Variants in FRMD3 observed in about 807,000 individuals in gnomAD.
FRMD3 encodes FERM domain containing 3, also known as FERM domain-containing protein 3.
In FRMD3, 33 loss-of-function variants were observed where a neutral mutation model predicts 70.2. That is an observed-to-expected ratio of 0.47 (90% CI 0.36 to 0.63). The LOEUF (loss-of-function observed/expected upper bound fraction) is 0.63. FRMD3 is among the 20% of genes least tolerant of loss of function. The pLI is 0.00. For synonymous variants in FRMD3, 279 were observed against 255.9 expected (o/e 1.09, Z -0.86); for missense variants, 632 against 711.4 (o/e 0.89, Z 1.27).
At chr9:83,430,819 A>G (rs1826953737) in intron 1 of FRMD3, among the ~76,000 whole-genome samples, 1 of 152,252 alleles carries the variant, frequency 6.6e-6, no homozygotes. Flanking sequence ...CTGGCTCAGC[A>G]TGGCATCACC....
At chr9:83,266,654 C>A (rs374123081) in intron 13 of FRMD3, among the ~76,000 whole-genome samples, 69 of 152,214 alleles carry the variant, frequency 4.5e-4, no homozygotes, top group Admixed American at 3.8e-3. Flanking sequence ...GGAGGGGGAG[C>A]GTGTTGTGAT....
At chr9:83,502,781 A>G (rs1829099667) in intron 1 of FRMD3, among the ~76,000 whole-genome samples, 1 of 152,176 alleles carries the variant, frequency 6.6e-6, no homozygotes, top group Non-Finnish European at 1.5e-5. Flanking sequence ...ATGATCATAT[A>G]TTGATATAAA....
chr9:83,505,033 C>G (rs1319730302), intron 1 of FRMD3, among the ~76,000 whole-genome samples: 1 of 152,040 alleles, frequency 6.6e-6, no homozygotes, highest in Non-Finnish European at 1.5e-5. Flanking sequence ...TTGATTCATT[C>G]TTATGGCAAA....
intron 1 of FRMD3, among the ~76,000 whole-genome samples, chr9:83,416,366 A>G (rs2131348545): frequency 6.6e-6 from 1 of 152,342 alleles, no homozygotes; most frequent in Non-Finnish European, 1.5e-5. Context: ...GCTTCCTATT[A>G]CAAACCTCTC....
intron 1 of FRMD3, among the ~76,000 whole-genome samples, chr9:83,470,415 A>C (rs967181331): frequency 6.6e-6 from 1 of 152,238 alleles, no homozygotes; most frequent in African/African-American, 2.4e-5. Flanking sequence ...CAGTTACCTC[A>C]GATCTCTCTC....
At chr9:83,410,180 T>C (rs898492443) in intron 1 of FRMD3, among the ~76,000 whole-genome samples, 4 of 152,238 alleles carry the variant, frequency 2.6e-5, no homozygotes, top group Non-Finnish European at 5.9e-5. Flanking sequence ...ACATTTATTT[T>C]AGATTCTGGG....
At chr9:83,434,787 C>T (rs1827083664) in intron 1 of FRMD3, among the ~76,000 whole-genome samples, 1 of 146,058 alleles carries the variant, frequency 6.8e-6, no homozygotes, top group African/African-American at 2.5e-5. Flanking sequence ...AAGATGCCAA[C>T]ATCTGAATCT....
chr9:83,385,120 C>T (rs559668117), intron 2 of FRMD3, among the ~76,000 whole-genome samples: 2 of 152,080 alleles, frequency 1.3e-5, no homozygotes, highest in South Asian at 4.2e-4. Context: ...TATTTCAAAA[C>T]TTCATCTTTC....
intron 4 of FRMD3, among the ~76,000 whole-genome samples, chr9:83,347,449 T>C (rs1221240699): frequency 2.0e-5 from 3 of 152,208 alleles, no homozygotes; most frequent in African/African-American, 4.8e-5. Flanking sequence ...GATTGGAAGA[T>C]GCTACTTCTA....
rs570640384 is a variant in FRMD3, at chr9:83,290,670, G to A, written c.1128C>T (p.Asn376=). Residue 376 remains asparagine (N), a synonymous_variant, in exon 13 of 14, where the codon AAC becomes AAT. Coordinates refer to ENST00000304195, the MANE Select transcript of FRMD3 (RefSeq NM_174938.6). ...SHSLNKQLII[N]MEPLQPLLPS... is the part of the protein sequence containing the mutation. ...GAAGCAGGGGCTGCAGGGGTTCCAT[G>A]TTAATGATGAGCTGTTTGTTCAAGG... 4.0e-5 allele frequency: 64 copies of A among 1,614,002 alleles called. No homozygotes were observed. The South Asian group carries it at 4.8e-4, about 12-fold the overall frequency.
At chr9:83,317,429 G>T (rs1018063396) in intron 6 of FRMD3, among the ~76,000 whole-genome samples, 1 of 152,060 alleles carries the variant, frequency 6.6e-6, no homozygotes, top group African/African-American at 2.4e-5. Flanking sequence ...TTTGCTCGGG[G>T]TGATCCTCCC....
chr9:83,392,296 A>G (rs551074009), intron 1 of FRMD3, among the ~76,000 whole-genome samples: 29 of 152,106 alleles, frequency 1.9e-4, no homozygotes, highest in Non-Finnish European at 1.9e-4. Flanking sequence ...GTCAGCTTAC[A>G]GTCCCACATT....
chr9:83,544,305 G>A, the FRMD3 span, among the ~76,000 whole-genome samples: 1 of 152,118 alleles, frequency 6.6e-6, no homozygotes, highest in Non-Finnish European at 1.5e-5. Context: ...GACCCCCTGA[G>A]GAGACCTTTG....
chr9:83,490,794 TCTCTCA>T (rs1172007596), intron 1 of FRMD3, among the ~76,000 whole-genome samples: 4,898 of 120,084 alleles, frequency 0.041, 80 homozygotes, highest in African/African-American at 0.08. Flanking sequence ...TCTCTCTCTC[TCTCTCA>T]CACACACACA....
In FRMD3 at chr9:83,530,506, T is replaced by C. The variant is rs143170802; in HGVS notation, c.147+7579A>G. Among the ~76,000 whole-genome samples, 15 of 152,226 alleles carry C rather than the reference T, an allele frequency of 9.9e-5. No homozygotes were observed. The East Asian group carries it at 2.7e-3, about 28-fold the overall frequency. ...GGAGGTCTGGAGGGAAATGGAGGTA[T>C]GACTGCTAAAGGGCAAAGGTTCATT... is the stretch of plus-strand genomic sequence containing the variant. On this transcript the variant is annotated intron_variant, in intron 1 of 13. Transcript: ENST00000304195.
chr9:83,419,676 TTA>T lies in FRMD3; in HGVS notation c.148-29970_148-29969del, dbSNP rs1363209141. 4.6e-5 allele frequency among the ~76,000 whole-genome samples: 7 copies of T among 151,426 alleles called. No individual in the cohort carries two copies. In the East Asian group the frequency reaches 1.4e-3, roughly 29 times the overall value. On this transcript the variant is annotated intron_variant, in intron 1 of 13. Transcript: ENST00000304195. ...TCATGTGTATTGAGTGTGTGTGTGTTTATGTGTGTTGAGTGTGTGTGATGTGT... is the reference window on the plus strand; with the variant it reads ...TCATGTGTATTGAGTGTGTGTGTGTTTGTGTGTTGAGTGTGTGTGATGTGT...
At chr9:83,347,792 CA>C (rs1824011067) in intron 4 of FRMD3, among the ~76,000 whole-genome samples, 1 of 152,070 alleles carries the variant, frequency 6.6e-6, no homozygotes, top group African/African-American at 2.4e-5. Context: ...GAATTCAAAC[CA>C]TAAGTACCTG....
At chr9:83,275,063 A>G (rs998265381) in intron 13 of FRMD3, among the ~76,000 whole-genome samples, 1 of 152,184 alleles carries the variant, frequency 6.6e-6, no homozygotes, top group African/African-American at 2.4e-5. Flanking sequence ...AAAAGAAGTC[A>G]TGAGTGGAGT....
chr9:83,325,313 T>G lies in FRMD3; in HGVS notation c.596+10203A>C, dbSNP rs570896702. Reference sequence around the variant, plus strand: ...CACTTATACTTGATAAATCTATTTTTAAATTTATTTATTTATTTAATTCGT... The same window carrying G: ...CACTTATACTTGATAAATCTATTTTGAAATTTATTTATTTATTTAATTCGT... On this transcript the variant is annotated intron_variant, in intron 6 of 13. Transcript: ENST00000304195. 2.0e-5 allele frequency among the ~76,000 whole-genome samples: 3 copies of G among 152,338 alleles called. No individual in the cohort carries two copies. In the East Asian group the frequency reaches 5.8e-4, roughly 29 times the overall value.
Sources: gnomAD v4.1 joint callset for allele counts (sites outside exome capture counted in the v4.1 genomes callset) on GRCh38, gnomAD v4.1.1 for gene constraint, MANE v1.5 for transcripts, NCBI Gene and HGNC (gene_info 2026-07-23, HGNC 2026-07-21) for gene names.